ZNF385D: variants seen among roughly 807,000 people sequenced by gnomAD.
The protein encoded by ZNF385D is zinc finger protein 659.
A neutral mutation model predicts 35.8 loss-of-function variants in ZNF385D; 15 were observed. The ratio of observed to expected loss-of-function variants is 0.42; its 90% CI spans 0.28 to 0.64. The LOEUF (loss-of-function observed/expected upper bound fraction) is 0.64. Ranked by LOEUF, ZNF385D falls within the 30% of genes least tolerant of loss-of-function variation. ZNF385D has a pLI of 0.23. For synonymous variants in ZNF385D, 212 were observed against 186.8 expected, an observed-to-expected ratio of 1.13 and a Z score of -1.10; for missense variants, 474 against 494.6, an observed-to-expected ratio of 0.96 and a Z score of 0.39.
chr3:21,597,226 C>G (rs2064151745), intron 2 of ZNF385D, among the ~76,000 whole-genome samples: 1 of 151,858 alleles, frequency 6.6e-6, no homozygotes, highest in Admixed American at 6.6e-5. Context: ...TTGGTGGGGA[C>G]ACTCATAGGA....
chr3:21,751,903 T>C (rs370768487), upstream of ZNF385D, among the ~76,000 whole-genome samples: 70 of 152,052 alleles, frequency 4.6e-4, 1 homozygote, highest in South Asian at 0.014. Context: ...GAAATGATCT[T>C]TGACCTCCTG....
chr3:22,109,244 C>A (rs1168940938), intron 3 of ZNF385D, among the ~76,000 whole-genome samples: 1 of 152,146 alleles, frequency 6.6e-6, no homozygotes, highest in Non-Finnish European at 1.5e-5. Context: ...CAGTCCTACA[C>A]ATTTCATTCA....
intron 3 of ZNF385D, among the ~76,000 whole-genome samples, chr3:22,166,352 T>C (rs932064596): frequency 1.4e-4 from 22 of 152,336 alleles, no homozygotes; most frequent in Admixed American, 1.2e-3. Context: ...ATTTTAATTT[T>C]TAAATGTTCT....
chr3:22,226,650 C>T (rs1444246123), intron 2 of ZNF385D, among the ~76,000 whole-genome samples: 1 of 152,106 alleles, frequency 6.6e-6, no homozygotes, highest in Admixed American at 6.5e-5. Context: ...ATATTCTTTC[C>T]CTAAGCAAGC....
At chr3:21,752,725 G>T (rs2070160726), upstream of ZNF385D, among the ~76,000 whole-genome samples, 1 of 151,864 alleles carries the variant, frequency 6.6e-6, no homozygotes, top group Non-Finnish European at 1.5e-5. Flanking sequence ...AGCCACCAGA[G>T]GAAAATTTAC....
intron 3 of ZNF385D, among the ~76,000 whole-genome samples, chr3:21,946,283 T>C (rs1172596920): frequency 6.6e-6 from 1 of 152,170 alleles, no homozygotes; most frequent in Admixed American, 6.6e-5. Context: ...CTATTAGTTA[T>C]TTTACATTCT....
intron 2 of ZNF385D, among the ~76,000 whole-genome samples, chr3:22,230,497 C>A (rs1312257931): frequency 1.3e-5 from 2 of 152,124 alleles, no homozygotes; most frequent in African/African-American, 4.8e-5. Context: ...AAGGATTCCA[C>A]TCCAAGGTCA....
chr3:22,215,441 G>A (rs939607608), intron 2 of ZNF385D, among the ~76,000 whole-genome samples: 1 of 151,924 alleles, frequency 6.6e-6, no homozygotes, highest in Admixed American at 6.6e-5. Context: ...CCTCTAAAAT[G>A]GCTGCTTCAG....
chr3:21,761,390 C>G (rs1458589467), intron 3 of ZNF385D, among the ~76,000 whole-genome samples: 2 of 152,090 alleles, frequency 1.3e-5, no homozygotes, highest in African/African-American at 4.8e-5. Flanking sequence ...CATGATGGAA[C>G]TTTATAGTCT....
chr3:22,247,095 T>C (rs1346266685), intron 2 of ZNF385D, among the ~76,000 whole-genome samples: 1 of 152,154 alleles, frequency 6.6e-6, no homozygotes. Flanking sequence ...TTCTGTTAGA[T>C]TTTAAATTCC....
chr3:21,816,358 G>T (rs1306511088), intron 3 of ZNF385D, among the ~76,000 whole-genome samples: 4 of 152,054 alleles, frequency 2.6e-5, no homozygotes, highest in African/African-American at 9.7e-5. Flanking sequence ...AAAAATAAAG[G>T]GTATTCAATT....
At chr3:21,661,526 A>T (rs1474241993) in intron 2 of ZNF385D, among the ~76,000 whole-genome samples, 1 of 152,148 alleles carries the variant, frequency 6.6e-6, no homozygotes. Flanking sequence ...TACTCCCATG[A>T]CTGTTCTCTT....
At chr3:22,062,801 G>A (rs556310635) in intron 3 of ZNF385D, among the ~76,000 whole-genome samples, 1 of 152,262 alleles carries the variant, frequency 6.6e-6, no homozygotes, top group Non-Finnish European at 1.5e-5. Flanking sequence ...GCCATGCAGT[G>A]AGGACATACA....
intron 2 of ZNF385D, among the ~76,000 whole-genome samples, chr3:21,598,245 T>C (rs1229090149): frequency 6.6e-5 from 10 of 152,186 alleles, no homozygotes; most frequent in African/African-American, 2.4e-4. Context: ...ATTATACACA[T>C]ATATCTCATT....
At chr3:22,203,919 C>G (rs185041748) in intron 2 of ZNF385D, among the ~76,000 whole-genome samples, 4 of 151,994 alleles carry the variant, frequency 2.6e-5, no homozygotes, top group Non-Finnish European at 5.9e-5. Flanking sequence ...ACTTGTTGCC[C>G]GAAGGGAAGA....
At chr3:21,729,972 A>C (rs1232955075) in intron 1 of ZNF385D, among the ~76,000 whole-genome samples, 1 of 152,178 alleles carries the variant, frequency 6.6e-6, no homozygotes, top group African/African-American at 2.4e-5. Context: ...TCACTCACTT[A>C]TCTTTTAATT....
chr3:21,588,854 C>T (rs1376995247), intron 2 of ZNF385D, among the ~76,000 whole-genome samples: 1 of 151,990 alleles, frequency 6.6e-6, no homozygotes, highest in East Asian at 1.9e-4. Flanking sequence ...AGAAATAGGC[C>T]ACTCCAACAG....
At chr3:22,280,929 CT>C (rs1184376422) in intron 2 of ZNF385D, among the ~76,000 whole-genome samples, 1 of 151,866 alleles carries the variant, frequency 6.6e-6, no homozygotes, top group Non-Finnish European at 1.5e-5. Context: ...TGTGGTTTTC[CT>C]TGTAGAGGTC....
At chr3:22,249,222 T>C (rs1460812883) in intron 2 of ZNF385D, among the ~76,000 whole-genome samples, 1 of 152,162 alleles carries the variant, frequency 6.6e-6, no homozygotes, top group Non-Finnish European at 1.5e-5. Flanking sequence ...TGCTGTCTTA[T>C]ACCACTAAGT....
Sources: allele counts gnomAD v4.1 joint callset (sites outside exome capture counted in the v4.1 genomes callset), GRCh38; gene constraint gnomAD v4.1.1; transcripts MANE v1.5; gene names NCBI Gene and HGNC (gene_info 2026-07-23, HGNC 2026-07-21).